SPATA6L: variants seen among roughly 807,000 people sequenced by gnomAD.
SPATA6L encodes the protein spermatogenesis associated 6 like, also known as spermatogenesis associated 6-like protein.
A neutral mutation model predicts 49.2 loss-of-function variants in SPATA6L; 68 were observed. The ratio of observed to expected loss-of-function variants is 1.38; its 90% CI spans 1.14 to 1.69. SPATA6L has a LOEUF of 1.69. Among genes scored for constraint, SPATA6L ranks in the 40% most tolerant of loss-of-function variants. The probability of loss-of-function intolerance (pLI) is 0.00; values close to 1 mark genes in which losing one functional copy is unlikely to be tolerated. For synonymous variants in SPATA6L, 198 were observed against 165.7 expected (o/e 1.19, Z -1.50); for missense variants, 668 against 464.3 (o/e 1.44, Z -4.03).
intron 9 of SPATA6L, chr9:4,617,292 G>A (rs1426502652): frequency 3.3e-5 from 5 of 152,234 alleles, no homozygotes; most frequent in African/African-American, 4.8e-5. Context: ...CCACTTCCCC[G>A]AAGTTAAAGT....
chr9:4,662,732 G>T lies in SPATA6L; in HGVS notation c.40-696C>A. ...TGTGGCTGTCCAAGAAGCTGGGGGT[G>T]TGCGCGGGAGAGAGCTCGTCGTGGG... is the stretch of plus-strand genomic sequence containing the variant. On this transcript the variant is annotated intron_variant, in intron 1 of 11. Transcript: ENST00000682582. This position sits in a 1 kb window ranked among gnomAD's most constrained non-coding sequence, Gnocchi z 4.9. The T allele has an allele frequency of 6.2e-7, 1 of 1,603,122 alleles. No individual in the cohort carries two copies. Among genetic ancestry groups the T allele is most frequent in the Non-Finnish European group, 8.5e-7 (1 of 1,179,928 alleles).
chr9:4,596,003 T>C (rs541777343), downstream of SPATA6L, among the ~76,000 whole-genome samples: 7 of 152,302 alleles, frequency 4.6e-5, no homozygotes, highest in Admixed American at 4.6e-4. Flanking sequence ...CATGCTCCAC[T>C]TCACTCCAGC....
intron 3 of SPATA6L, among the ~76,000 whole-genome samples, chr9:4,653,655 C>T (rs549954480): frequency 2.0e-5 from 3 of 152,270 alleles, no homozygotes; most frequent in African/African-American, 7.2e-5. Flanking sequence ...ACAGGCCAGG[C>T]ACAGCGGCTC....
intron 1 of SPATA6L, 65 bp downstream of exon 1, chr9:4,666,147 A>G (rs1840828419): frequency 1.9e-6 from 3 of 1,539,796 alleles, no homozygotes; most frequent in Admixed American, 1.7e-5. Flanking sequence ...GGGTTGTTGA[A>G]AACCACCTGA....
At chr9:4,629,267 T>C (rs773196925) in intron 4 of SPATA6L, 99 bp from the exon 5 acceptor site, 10 of 733,590 alleles carry the variant, frequency 1.4e-5, no homozygotes, top group East Asian at 2.7e-5. Context: ...ACTGCTCTTC[T>C]GTGTGGCATA....
chr9:4,603,776 A>G (rs1310292988), intron 11 of SPATA6L, among the ~76,000 whole-genome samples: 1 of 152,152 alleles, frequency 6.6e-6, no homozygotes, highest in Non-Finnish European at 1.5e-5. Flanking sequence ...AGAGAGAGGG[A>G]GTGTCGTGTC....
chr9:4,615,394 C>T (rs1186561192), intron 9 of SPATA6L, among the ~76,000 whole-genome samples: 1 of 152,118 alleles, frequency 6.6e-6, no homozygotes, highest in Non-Finnish European at 1.5e-5. Flanking sequence ...CCGTCTTAAC[C>T]ACAGATTTAA....
intron 4 of SPATA6L, among the ~76,000 whole-genome samples, chr9:4,629,769 G>GTGTGTGTGTGTGTGTGTATATATATATA (rs1311805859): frequency 9.8e-6 from 1 of 101,936 alleles, no homozygotes; most frequent in African/African-American, 5.0e-5. Flanking sequence ...GTGTGTGTGT[G>GTGTGTGTGTGTGTGTGTATATATATATA]TATATATATA....
chr9:4,606,049 CA>C (rs1339352661), intron 9 of SPATA6L, among the ~76,000 whole-genome samples: 6 of 149,994 alleles, frequency 4.0e-5, no homozygotes, highest in Non-Finnish European at 8.8e-5. Context: ...AAAGGGGTGA[CA>C]GATGGCACCT....
chr9:4,618,168 G>C, intron 8 of SPATA6L, 58 bp from the exon 9 acceptor site: 1 of 1,480,154 alleles, frequency 6.8e-7, no homozygotes, highest in South Asian at 1.3e-5. Context: ...TTAATTTAGA[G>C]CTGGGGGTGG....
chr9:4,650,520 T>A (rs1836574078), intron 3 of SPATA6L, among the ~76,000 whole-genome samples: 1 of 152,026 alleles, frequency 6.6e-6, no homozygotes, highest in African/African-American at 2.4e-5. Flanking sequence ...AATCAATACA[T>A]CTAAAAGTTG....
downstream of SPATA6L, among the ~76,000 whole-genome samples, chr9:4,596,188 T>TA (rs1822240598): frequency 1.3e-5 from 2 of 152,218 alleles, no homozygotes; most frequent in African/African-American, 4.8e-5. Context: ...GGTTGAATTT[T>TA]ACACCCCTTA....
chr9:4,625,278 C>T (rs1830120385), intron 6 of SPATA6L, 49 bp downstream of exon 6: 1 of 1,577,774 alleles, frequency 6.3e-7, no homozygotes, highest in South Asian at 1.2e-5. Flanking sequence ...CCACCCTCAT[C>T]CATATCCTCA....
At chr9:4,607,685 A>T (rs200711374) in intron 9 of SPATA6L, among the ~76,000 whole-genome samples, 4 of 152,066 alleles carry the variant, frequency 2.6e-5, no homozygotes, top group Non-Finnish European at 5.9e-5. Context: ...AGCCGCTGCA[A>T]AATCATGCCA....
chr9:4,598,197 G>T (rs1586905395), downstream of SPATA6L, among the ~76,000 whole-genome samples: 1 of 151,940 alleles, frequency 6.6e-6, no homozygotes, highest in African/African-American at 2.4e-5. Flanking sequence ...ATTTTCTTAG[G>T]AGCCTCTGCA....
At chr9:4,603,546 A>T (rs1394634188) in intron 11 of SPATA6L, among the ~76,000 whole-genome samples, 1 of 152,210 alleles carries the variant, frequency 6.6e-6, no homozygotes, top group African/African-American at 2.4e-5. Context: ...CAGTGCACAC[A>T]CCTAGTACAT....
downstream of SPATA6L, among the ~76,000 whole-genome samples, chr9:4,596,720 G>C (rs1586900858): frequency 6.6e-6 from 1 of 152,162 alleles, no homozygotes; most frequent in East Asian, 1.9e-4. Context: ...CTGTTATTCT[G>C]AAATGTTCTG....
At chr9:4,606,882 G>C (rs938179409) in intron 9 of SPATA6L, among the ~76,000 whole-genome samples, 1 of 143,772 alleles carries the variant, frequency 7.0e-6, no homozygotes, top group Non-Finnish European at 1.5e-5. Flanking sequence ...AGGCAAAGAA[G>C]CTGAAAACTT....
chr9:4,615,361 A>C (rs1215219772), intron 9 of SPATA6L, among the ~76,000 whole-genome samples: 2 of 152,202 alleles, frequency 1.3e-5, no homozygotes, highest in African/African-American at 4.8e-5. Context: ...CTGGCCTAGC[A>C]GATTGAGTAT....
Sources: allele counts gnomAD v4.1 joint callset (sites outside exome capture counted in the v4.1 genomes callset), GRCh38; gene constraint gnomAD v4.1.1; non-coding constraint Gnocchi (gnomAD v3.1); transcripts MANE v1.5; gene names NCBI Gene and HGNC (gene_info 2026-07-23, HGNC 2026-07-21).